Variants in FMN1 observed in about 807,000 individuals in gnomAD.
The protein encoded by FMN1 is formin-1.
A neutral mutation model predicts 132.4 loss-of-function variants in FMN1; 110 were observed. The observed-to-expected ratio is 0.83, with a 90% confidence interval of 0.71 to 0.97. The LOEUF is 0.97. FMN1 is among the 50% of genes least tolerant of loss of function. The probability of loss-of-function intolerance (pLI) is 0.00; values close to 1 mark genes in which losing one functional copy is unlikely to be tolerated. For synonymous variants in FMN1, 722 were observed against 651.7 expected (o/e 1.11, Z -1.64); for missense variants, 1,792 against 1,705.3 (o/e 1.05, Z -0.90).
At chr15:32,955,304 T>C (rs943043725) in intron 9 of FMN1, among the ~76,000 whole-genome samples, 8 of 152,234 alleles carry the variant, frequency 5.3e-5, no homozygotes, top group Admixed American at 3.9e-4. Context: ...TGTGAGGGCA[T>C]GTGCAGGGGC....
At chr15:33,018,433 G>A (rs766263383) in intron 6 of FMN1, among the ~76,000 whole-genome samples, 2 of 152,032 alleles carry the variant, frequency 1.3e-5, no homozygotes, top group Non-Finnish European at 2.9e-5. Flanking sequence ...AGGTTGAGTC[G>A]CTCACCAATG....
intron 5 of FMN1, among the ~76,000 whole-genome samples, chr15:33,074,418 A>C (rs959933814): frequency 6.6e-6 from 1 of 152,192 alleles, no homozygotes; most frequent in Non-Finnish European, 1.5e-5. Flanking sequence ...ATCCCATCAA[A>C]AGCCTGCAGC....
rs16966303 is a variant in FMN1, at chr15:33,182,651, A to G, written c.-196-2389T>C. Among the ~76,000 whole-genome samples, 871 of 152,306 alleles carry G rather than the reference A, an allele frequency of 5.7e-3. 5 individuals carry two copies. The highest frequency in any genetic ancestry group is 0.02 in the African/African-American group (833 of 41,564). The stretch of plus-strand genomic sequence containing the variant: ...AGTTACATAGGGTGATGCAGATACC[A>G]TGCATCTCAGCGGGATCTCTCCTTC... On this transcript the variant is annotated intron_variant, in intron 2 of 20. Transcript: ENST00000616417.
At chr15:33,036,884 C>G (rs2036216579) in intron 6 of FMN1, among the ~76,000 whole-genome samples, 1 of 152,176 alleles carries the variant, frequency 6.6e-6, no homozygotes, top group South Asian at 2.1e-4. Context: ...GCCTAGTATC[C>G]TTTCTCTTAG....
intron 4 of FMN1, among the ~76,000 whole-genome samples, chr15:33,100,673 C>A (rs1467595069): frequency 1.3e-5 from 2 of 152,132 alleles, no homozygotes; most frequent in African/African-American, 4.8e-5. Flanking sequence ...ATATTCATAT[C>A]CTTTAACCAA....
In FMN1 at chr15:33,125,676, C is replaced by T. The variant is rs920522505; in HGVS notation, c.1867+27372G>A. Among the ~76,000 whole-genome samples the T allele has an allele frequency of 4.1e-5, 6 of 147,922 alleles. 1 individual carries two copies. The highest frequency in any genetic ancestry group is 8.9e-5 in the Non-Finnish European group (6 of 67,498). ...TCAACATGGTGAAACCTCGTCTCTA[C>T]TAAAATACAAAAATTAGTCAGGTGT... On this transcript the variant is annotated intron_variant, in intron 4 of 20. Coordinates refer to ENST00000616417, the MANE Select transcript of FMN1 (RefSeq NM_001277313.2).
chr15:32,833,539 G>C (rs533775089), intron 17 of FMN1, among the ~76,000 whole-genome samples: 3,655 of 152,264 alleles, frequency 0.024, 43 homozygotes, highest in African/African-American at 0.043. Context: ...CAGGGTGAGT[G>C]AGTCAGTCAC....
At chr15:33,159,505 T>C (rs1291417862) in intron 3 of FMN1, among the ~76,000 whole-genome samples, 1 of 152,160 alleles carries the variant, frequency 6.6e-6, no homozygotes, top group East Asian at 1.9e-4. Flanking sequence ...GTATATAAGG[T>C]GTTTCAATTC....
chr15:32,945,506 G>A (rs762681408), intron 9 of FMN1, among the ~76,000 whole-genome samples: 5 of 152,180 alleles, frequency 3.3e-5, no homozygotes, highest in East Asian at 1.9e-4. Flanking sequence ...TCTCACACAC[G>A]TATATCTTTG....
intron 4 of FMN1, among the ~76,000 whole-genome samples, chr15:33,097,347 G>A (rs764214494): frequency 1.5e-4 from 23 of 150,602 alleles, no homozygotes; most frequent in Admixed American, 2.0e-4. Context: ...GCTAAAAGGA[G>A]CAGAAAAATA....
chr15:33,095,687 G>A (rs1048019226), intron 4 of FMN1, among the ~76,000 whole-genome samples: 20 of 151,878 alleles, frequency 1.3e-4, no homozygotes, highest in African/African-American at 3.4e-4. Context: ...AAATATTATT[G>A]AAGAATAAGA....
chr15:33,015,252 T>C (rs10519773), intron 6 of FMN1, among the ~76,000 whole-genome samples: 27,401 of 152,188 alleles, frequency 0.18, 2,556 homozygotes, highest in African/African-American at 0.22. Flanking sequence ...CTTTATCCTA[T>C]TACCAGAATC....
At chr15:33,011,257 A>G (rs372970581) in intron 6 of FMN1, among the ~76,000 whole-genome samples, 1 of 152,160 alleles carries the variant, frequency 6.6e-6, no homozygotes, top group Admixed American at 6.6e-5. Flanking sequence ...ACCATGATTT[A>G]TAGGGTCACT....
chr15:32,929,163 G>A (rs1380786882), intron 9 of FMN1, among the ~76,000 whole-genome samples: 3 of 152,154 alleles, frequency 2.0e-5, no homozygotes, highest in Non-Finnish European at 4.4e-5. Context: ...AAGGGGCTGG[G>A]GGCAGCTAAG....
chr15:33,155,609 T>C (rs985397889), intron 3 of FMN1, among the ~76,000 whole-genome samples: 3 of 152,356 alleles, frequency 2.0e-5, no homozygotes, highest in African/African-American at 4.8e-5. Context: ...AAAATTTCAA[T>C]GTAAAAGTTT....
intron 16 of FMN1, among the ~76,000 whole-genome samples, chr15:32,872,040 CTTT>C (rs11311528): frequency 7.1e-6 from 1 of 140,928 alleles, no homozygotes; most frequent in South Asian, 2.3e-4. Flanking sequence ...GAAAGTAGCT[CTTT>C]TTTTTTTTTT....
chr15:32,852,740 C>T (rs999755018), intron 17 of FMN1, among the ~76,000 whole-genome samples: 1 of 152,138 alleles, frequency 6.6e-6, no homozygotes, highest in East Asian at 1.9e-4. Flanking sequence ...AAGAGATATA[C>T]CCCCTGCAAA....
intron 7 of FMN1, among the ~76,000 whole-genome samples, chr15:32,984,170 T>C (rs2032901227): frequency 6.6e-6 from 1 of 152,234 alleles, no homozygotes; most frequent in Non-Finnish European, 1.5e-5. Context: ...TACTATCTTC[T>C]ATTCTCAAGC....
chr15:32,887,053 T>C (rs1378481293), intron 16 of FMN1, among the ~76,000 whole-genome samples: 1 of 152,202 alleles, frequency 6.6e-6, no homozygotes, highest in Non-Finnish European at 1.5e-5. Context: ...TATTCACCTG[T>C]AACCATTATC....
Sources: allele counts gnomAD v4.1 joint callset (sites outside exome capture counted in the v4.1 genomes callset), GRCh38; gene constraint gnomAD v4.1.1; transcripts MANE v1.5; gene names NCBI Gene and HGNC (gene_info 2026-07-23, HGNC 2026-07-21).